Variants in ARID1B observed in about 807,000 individuals in gnomAD.
ARID1B encodes AT-rich interaction domain 1B.
ARID1B carries 30 observed loss-of-function variants against 212.3 expected under a neutral mutation model. That is an observed-to-expected ratio of 0.14 (90% CI 0.11 to 0.19). ARID1B has a LOEUF of 0.19. ARID1B is among the 10% of genes least tolerant of loss of function. The pLI is 1.00. For missense variants in ARID1B, 2,891 were observed against 3,204.0 expected (o/e 0.90, Z 2.36); for synonymous variants, 1,402 against 1,301.7 (o/e 1.08, Z -1.66).
intron 4 of ARID1B, among the ~76,000 whole-genome samples, chr6:157,047,500 A>G (rs571855941): frequency 1.3e-5 from 2 of 152,330 alleles, no homozygotes; most frequent in South Asian, 4.1e-4. Context: ...CTGTCCCAAG[A>G]TCTACCAAGT....
intron 4 of ARID1B, among the ~76,000 whole-genome samples, chr6:157,026,545 T>C (rs1780681580): frequency 6.6e-6 from 1 of 152,230 alleles, no homozygotes; most frequent in African/African-American, 2.4e-5. Flanking sequence ...AGTCTTCATC[T>C]CAGAGCTGTC....
intron 2 of ARID1B, among the ~76,000 whole-genome samples, chr6:156,845,110 A>C (rs188427510): frequency 2.1e-5 from 1 of 47,546 alleles, no homozygotes; most frequent in African/African-American, 9.1e-5. Context: ...CCGGGGATGC[A>C]TTCAGGTGGC....
chr6:157,059,631 A>C (rs543097941), intron 4 of ARID1B, among the ~76,000 whole-genome samples: 54 of 152,296 alleles, frequency 3.5e-4, no homozygotes, highest in Non-Finnish European at 7.2e-4. Context: ...GGCCCTGTGG[A>C]AAGCTCTGGG....
chr6:157,008,075 C>G (rs573129105), intron 4 of ARID1B, among the ~76,000 whole-genome samples: 1 of 152,316 alleles, frequency 6.6e-6, no homozygotes, highest in Non-Finnish European at 1.5e-5. Context: ...TACAGAGATG[C>G]ATAGATTTGT....
At chr6:157,149,009 G>A (rs1284703894) in intron 8 of ARID1B, 58 bp downstream of exon 8, 7 of 1,511,852 alleles carry the variant, frequency 4.6e-6, no homozygotes, top group East Asian at 2.4e-5. Context: ...CCGTGACCAC[G>A]TGACTGCGCA....
chr6:156,873,108 C>T (rs1007410503), intron 2 of ARID1B, among the ~76,000 whole-genome samples: 2 of 152,198 alleles, frequency 1.3e-5, no homozygotes, highest in East Asian at 1.9e-4. Context: ...CCAGCAGCCC[C>T]GTGCATGGCT....
chr6:157,068,309 A>G (rs573173754), intron 4 of ARID1B, among the ~76,000 whole-genome samples: 1 of 152,340 alleles, frequency 6.6e-6, no homozygotes, highest in South Asian at 2.1e-4. Context: ...CAGGTCAGGT[A>G]GGCACATTAT....
At position 156,779,341 on chromosome 6, in the gene ARID1B, C is replaced by T. The variant is rs1779012058; in HGVS notation, c.1661C>T (p.Ala554Val). The change falls in exon 1 of 20, where the codon GCG (alanine) becomes GTG (valine). Residue 554 changes from alanine to valine, a missense_variant. Coordinates refer to ENST00000636930, the MANE Select transcript of ARID1B (RefSeq NM_001374828.1). ...GCGGCGGGCGGCCAGCAGGCGGCCGCGGGCATGGGCTTGGGCAAGGACATG... is the reference window on the plus strand; with the variant it reads ...GCGGCGGGCGGCCAGCAGGCGGCCGTGGGCATGGGCTTGGGCAAGGACATG... ...GAAAGGQQAAAGMGLGKDMGA... is the reference protein window; with the variant it reads ...GAAAGGQQAAVGMGLGKDMGA... The T allele has an allele frequency of 5.2e-6, 6 of 1,160,384 alleles. No homozygotes were observed. Among genetic ancestry groups the T allele is most frequent in the South Asian group, 4.0e-5 (1 of 24,794 alleles). The allele number at this position is 1,160,384 out of a possible 1,614,324, so 71.9% of individuals were successfully genotyped here.
chr6:157,066,984 T>C (rs1462621445), intron 4 of ARID1B, among the ~76,000 whole-genome samples: 1 of 152,090 alleles, frequency 6.6e-6, no homozygotes, highest in African/African-American at 2.4e-5. Context: ...ATTGAAATCA[T>C]GGCCCAACCA....
At chr6:156,944,141 T>G (rs1792880640) in intron 4 of ARID1B, among the ~76,000 whole-genome samples, 1 of 152,172 alleles carries the variant, frequency 6.6e-6, no homozygotes, top group African/African-American at 2.4e-5. Flanking sequence ...TCTTTGTTAG[T>G]GTATGAGAAA....
intron 5 of ARID1B, among the ~76,000 whole-genome samples, chr6:157,096,695 C>CG (rs199931754): frequency 2.0e-5 from 3 of 152,194 alleles, no homozygotes; most frequent in African/African-American, 2.4e-5. Flanking sequence ...TCCTGAGCTG[C>CG]GGGGTCCCTG....
At chr6:157,141,273 A>G (rs1294956882) in intron 7 of ARID1B, 1 of 152,272 alleles carries the variant, frequency 6.6e-6, no homozygotes, top group African/African-American at 2.4e-5. Flanking sequence ...TTGTTGTAAC[A>G]TAAATGGAAA....
intron 8 of ARID1B, among the ~76,000 whole-genome samples, chr6:157,165,129 A>C (rs373183494): frequency 1.3e-5 from 2 of 152,304 alleles, no homozygotes; most frequent in South Asian, 4.1e-4. Context: ...CCATATAGGG[A>C]TGTGTTTATA....
chr6:156,905,938 C>G (rs1185167343), intron 3 of ARID1B, among the ~76,000 whole-genome samples: 2 of 152,190 alleles, frequency 1.3e-5, no homozygotes, highest in Non-Finnish European at 2.9e-5. Flanking sequence ...AAGCACTTTA[C>G]TTGAATAGCT....
chr6:157,039,834 T>TTCTTTCTCTC lies in ARID1B; in HGVS notation c.2248-44798_2248-44789dup, dbSNP rs200568705. Among the ~76,000 whole-genome samples the TTCTTTCTCTC allele has an allele frequency of 2.3e-3, 262 of 115,794 alleles. 4 individuals carry two copies. Among genetic ancestry groups the TTCTTTCTCTC allele is most frequent in the East Asian group, 0.019 (73 of 3,782 alleles). The allele number at this position is 115,794 out of a possible 152,430, so 76.0% of individuals were successfully genotyped here. A position where few individuals can be genotyped will look rare whatever the true frequency, so the allele number is the denominator to read the frequency against. On this transcript the variant is annotated intron_variant, in intron 4 of 19. Coordinates refer to ENST00000636930, the MANE Select transcript of ARID1B (RefSeq NM_001374828.1). ...TCTTTCTTTTTCTCTCTTTCTCTCT[T>TTCTTTCTCTC]TCTTTCTCTCTCTTTCTCTCTCTTT... is the stretch of plus-strand genomic sequence containing the variant.
intron 17 of ARID1B, 62 bp downstream of exon 17, chr6:157,198,969 C>A (rs886559420): frequency 3.8e-6 from 5 of 1,323,358 alleles, no homozygotes; most frequent in Middle Eastern, 2.5e-4. Flanking sequence ...GGCTAAAACT[C>A]AAACTTGTCT....
rs1794023292 is a variant in ARID1B, at chr6:157,200,564, T to TA, written c.4480-140dup. 3.4e-6 allele frequency: 3 copies of TA among 884,870 alleles called. No homozygotes were observed. The African/African-American group carries it at 5.1e-5, about 15-fold the overall frequency. 54.8% of individuals were successfully genotyped at this position (884,870 alleles called of 1,614,324 possible). ...TACTGAAATATTGAACATAAATTGT[T>TA]AGTTCTCTGTTGTTATAGGAGCTTC... On this transcript the variant is annotated intron_variant, in intron 17 of 19. Transcript: ENST00000636930. The surrounding 1 kb of genome is among the most constrained non-coding windows in gnomAD (Gnocchi z 4.3).
At chr6:156,927,119 A>G (rs1018393286) in intron 3 of ARID1B, among the ~76,000 whole-genome samples, 32 of 152,336 alleles carry the variant, frequency 2.1e-4, no homozygotes, top group African/African-American at 7.0e-4. Context: ...CAAATTTCCA[A>G]TAATCTCATA....
intron 11 of ARID1B, among the ~76,000 whole-genome samples, chr6:157,180,207 G>A (rs764267860): frequency 7.2e-5 from 11 of 152,030 alleles, no homozygotes; most frequent in East Asian, 3.9e-4. Context: ...GTTCAGAAAC[G>A]GCAACTCTTG....
Sources: gnomAD v4.1 joint callset for allele counts (sites outside exome capture counted in the v4.1 genomes callset) on GRCh38, gnomAD v4.1.1 for gene constraint, Gnocchi (gnomAD v3.1) non-coding constraint, MANE v1.5 for transcripts, NCBI Gene and HGNC (gene_info 2026-07-23, HGNC 2026-07-21) for gene names.